The following FRMD4B variants were observed in gnomAD, a reference collection of about 807,000 sequenced individuals.
FRMD4B encodes FERM domain-containing protein 4B.
Under a neutral mutation model 141.5 loss-of-function variants are expected in FRMD4B, and 74 were observed. That is an observed-to-expected ratio of 0.52 (90% CI 0.43 to 0.63). FRMD4B has a LOEUF of 0.63. Ranked by LOEUF, FRMD4B falls within the 30% of genes least tolerant of loss-of-function variation. The probability of loss-of-function intolerance (pLI) is 0.00; values close to 1 mark genes in which losing one functional copy is unlikely to be tolerated. For synonymous variants in FRMD4B, 506 were observed against 467.9 expected (o/e 1.08, Z -1.05); for missense variants, 1,366 against 1,253.4 (o/e 1.09, Z -1.36).
intron 4 of FRMD4B, among the ~76,000 whole-genome samples, chr3:69,298,450 A>C (rs1701105269): frequency 6.6e-6 from 1 of 152,154 alleles, no homozygotes; most frequent in Non-Finnish European, 1.5e-5. Context: ...ATCTGTCCTC[A>C]ACCCAGCAGC....
intron 7 of FRMD4B, 50 bp from the exon 8 acceptor site, chr3:69,224,740 T>G: frequency 1.2e-6 from 1 of 859,466 alleles, no homozygotes; most frequent in Non-Finnish European, 1.9e-6. Context: ...TCCAAAAAAT[T>G]ATGCAAGCCG....
At chr3:69,438,871 C>T (rs1234914948) in intron 1 of FRMD4B, among the ~76,000 whole-genome samples, 5 of 152,124 alleles carry the variant, frequency 3.3e-5, no homozygotes, top group African/African-American at 7.2e-5. Flanking sequence ...CCTATCCATG[C>T]GCCCATCAGT....
At chr3:69,217,073 G>A (rs1045051647) in intron 10 of FRMD4B, among the ~76,000 whole-genome samples, 1 of 151,886 alleles carries the variant, frequency 6.6e-6, no homozygotes, top group Non-Finnish European at 1.5e-5. Flanking sequence ...TGAGAAAAGT[G>A]GTTCCAATTC....
chr3:69,352,997 T>C (rs950699992), intron 1 of FRMD4B, among the ~76,000 whole-genome samples: 1 of 151,994 alleles, frequency 6.6e-6, no homozygotes, highest in Non-Finnish European at 1.5e-5. Context: ...TGAACAATTA[T>C]AAATCAAAAA....
At chr3:69,491,276 T>C (rs1706297119) in intron 1 of FRMD4B, among the ~76,000 whole-genome samples, 1 of 152,150 alleles carries the variant, frequency 6.6e-6, no homozygotes, top group Non-Finnish European at 1.5e-5. Context: ...GCATAGCTTA[T>C]TGTGGAGTTT....
chr3:69,189,176 C>T (rs564116479), intron 18 of FRMD4B, among the ~76,000 whole-genome samples: 7 of 140,974 alleles, frequency 5.0e-5, no homozygotes, highest in Non-Finnish European at 9.0e-5. Context: ...GAGCTGAGAT[C>T]GCACCAGTGC....
chr3:69,458,205 C>G (rs140426464), intron 1 of FRMD4B, among the ~76,000 whole-genome samples: 1 of 152,270 alleles, frequency 6.6e-6, no homozygotes, highest in East Asian at 1.9e-4. Flanking sequence ...TAGATGGAGT[C>G]AAATAGAGCT....
intron 5 of FRMD4B, among the ~76,000 whole-genome samples, chr3:69,267,914 T>TG (rs1325000976): frequency 2.6e-5 from 4 of 151,780 alleles, no homozygotes; most frequent in African/African-American, 9.7e-5. Context: ...ATTACAGGTG[T>TG]GGGCCACTGT....
chr3:69,323,145 G>A (rs1702065318), intron 1 of FRMD4B: 1 of 195,264 alleles, frequency 5.1e-6, no homozygotes, highest in Non-Finnish European at 9.3e-6. Flanking sequence ...ACAAAGAAGA[G>A]GAGAATTCAG....
At chr3:69,399,450 G>C (rs897408253) in intron 2 of FRMD4B, among the ~76,000 whole-genome samples, 6 of 152,178 alleles carry the variant, frequency 3.9e-5, no homozygotes, top group Non-Finnish European at 8.8e-5. Flanking sequence ...TCTATCTGCG[G>C]TGAAGTCTCA....
chr3:69,217,490 T>C (rs1238575664), intron 10 of FRMD4B, among the ~76,000 whole-genome samples: 2 of 151,988 alleles, frequency 1.3e-5, no homozygotes, highest in Non-Finnish European at 2.9e-5. Flanking sequence ...GCTGTGGTGG[T>C]GCATGCCTGT....
At chr3:69,483,736 C>T (rs953800895) in intron 1 of FRMD4B, among the ~76,000 whole-genome samples, 3 of 152,114 alleles carry the variant, frequency 2.0e-5, no homozygotes, top group African/African-American at 7.2e-5. Flanking sequence ...AAATGTTAAC[C>T]AACTGTGGAC....
intron 7 of FRMD4B, among the ~76,000 whole-genome samples, chr3:69,237,801 G>T (rs1200632747): frequency 6.6e-6 from 1 of 152,192 alleles, no homozygotes; most frequent in Non-Finnish European, 1.5e-5. Context: ...CGCGATCTCG[G>T]CTGACTGCAA....
At chr3:69,347,920 G>C (rs1703001475) in intron 1 of FRMD4B, among the ~76,000 whole-genome samples, 1 of 152,152 alleles carries the variant, frequency 6.6e-6, no homozygotes, top group Non-Finnish European at 1.5e-5. Flanking sequence ...ACAATTAAAA[G>C]AACTAGAGAA....
chr3:69,535,902 A>C, intron 1 of FRMD4B: 1 of 419,426 alleles, frequency 2.4e-6, no homozygotes, highest in Non-Finnish European at 4.8e-6. Context: ...GACCTTGCTG[A>C]CAGTGGGTTT....
At chr3:69,474,123 C>T (rs1705940169) in intron 1 of FRMD4B, among the ~76,000 whole-genome samples, 1 of 152,200 alleles carries the variant, frequency 6.6e-6, no homozygotes, top group South Asian at 2.1e-4. Flanking sequence ...ACTTGCTCTC[C>T]TCTATTTTCT....
intron 1 of FRMD4B, among the ~76,000 whole-genome samples, chr3:69,382,879 T>G (rs1238229691): frequency 2.0e-5 from 3 of 152,192 alleles, no homozygotes; most frequent in African/African-American, 7.2e-5. Context: ...AGACCAGGTC[T>G]GAAAGCATGG....
chr3:69,238,651 T>A (rs1328967564), intron 7 of FRMD4B, among the ~76,000 whole-genome samples: 1 of 152,018 alleles, frequency 6.6e-6, no homozygotes, highest in African/African-American at 2.4e-5. Flanking sequence ...AGACGTGGGG[T>A]ACACACCTGT....
intron 1 of FRMD4B, among the ~76,000 whole-genome samples, chr3:69,348,257 C>T (rs981794149): frequency 2.0e-5 from 3 of 152,166 alleles, no homozygotes; most frequent in Non-Finnish European, 2.9e-5. Context: ...TTCCTCGACA[C>T]ATACACCCTC....
Sources: allele counts gnomAD v4.1 joint callset (sites outside exome capture counted in the v4.1 genomes callset), GRCh38; gene constraint gnomAD v4.1.1; transcripts MANE v1.5; gene names NCBI Gene and HGNC (gene_info 2026-07-23, HGNC 2026-07-21).